Variants in NKIRAS1 observed in about 807,000 individuals in gnomAD.
NKIRAS1 encodes the protein NF-kappa-B inhibitor-interacting Ras-like protein 1.
NKIRAS1 carries 16 observed loss-of-function variants against 19.8 expected under a neutral mutation model. The observed-to-expected ratio is 0.81, with a 90% CI of 0.55 to 1.23. The LOEUF is 1.23. Among genes scored for constraint, NKIRAS1 ranks in the 50% most tolerant of loss-of-function variants. The pLI is 0.00. For missense variants in NKIRAS1, 184 were observed against 220.0 expected, an observed-to-expected ratio of 0.84 and a Z score of 1.04; for synonymous variants, 88 against 79.0, an observed-to-expected ratio of 1.11 and a Z score of -0.61.
chr3:23,892,559 T>TA lies in NKIRAS1; in HGVS notation c.*535dup, dbSNP rs1224465937. ...TTGAGCAAAGCTAAATCATGGGTCT[T>TA]AGTCTGTTTAGCAAAATCTCCACAA... On this transcript the variant is annotated 3_prime_UTR_variant, in exon 5 of 5. Transcript: ENST00000425478. 1 of 152,214 alleles carries TA rather than the reference T, an allele frequency of 6.6e-6. No homozygotes were observed. The highest frequency in any genetic ancestry group is 2.4e-5 in the African/African-American group (1 of 41,448). The allele number at this position is 152,214 out of a possible 1,614,324, so 9.4% of individuals were successfully genotyped here.
upstream of NKIRAS1, chr3:23,921,565 A>C (rs745544560): frequency 2.7e-5 from 16 of 595,254 alleles, no homozygotes; most frequent in East Asian, 5.1e-4. Flanking sequence ...AACATTGATT[A>C]TTGAGTTTTT....
At chr3:23,919,015 T>A (rs1255224211), upstream of NKIRAS1, 1 of 607,632 alleles carries the variant, frequency 1.6e-6, no homozygotes, top group Non-Finnish European at 2.9e-6. Flanking sequence ...GTGTGTTGTT[T>A]TAGCAAGTCT....
In NKIRAS1 at chr3:23,922,326, G is replaced by C. The variant is rs1705117430; in HGVS notation, c.-139-10876C>G. The C allele has an allele frequency of 6.6e-6, 1 of 152,224 alleles. No individual in the cohort carries two copies. Among genetic ancestry groups the C allele is most frequent in the African/African-American group, 2.4e-5 (1 of 41,460 alleles). 9.4% of individuals were successfully genotyped at this position (152,224 alleles called of 1,614,324 possible). A position where few individuals can be genotyped will look rare whatever the true frequency, so the allele number is the denominator to read the frequency against. ...TTTTTTGCCAATGAGGAAACACAAA[G>C]ATGAAGCAACTTGCTCAAAGTCATA... is the stretch of plus-strand genomic sequence containing the variant. On this transcript the variant is annotated intron_variant, in intron 1 of 4. Transcript: ENST00000421515. The surrounding 1 kb of genome is among the most constrained non-coding windows in gnomAD (Gnocchi z 4.2).
intron 1 of NKIRAS1, among the ~76,000 whole-genome samples, chr3:23,941,288 T>A (rs550029552): frequency 6.6e-6 from 1 of 152,236 alleles, no homozygotes; most frequent in Non-Finnish European, 1.5e-5. Flanking sequence ...ACTTGGCCTA[T>A]CTTACTTGAG....
upstream of NKIRAS1, chr3:23,917,820 T>G (rs374895871): frequency 7.0e-6 from 11 of 1,576,312 alleles, no homozygotes; most frequent in Non-Finnish European, 9.5e-6. Flanking sequence ...TTAAAGCGGA[T>G]GATATTTAAT....
chr3:23,945,519 G>C, intron 1 of NKIRAS1: 2 of 1,082,122 alleles, frequency 1.8e-6, no homozygotes, highest in Non-Finnish European at 2.3e-6. Context: ...TGAGGCGGCG[G>C]CGGCGGCGCT....
chr3:23,895,204 G>T (rs1652347485), intron 4 of NKIRAS1, among the ~76,000 whole-genome samples: 1 of 152,056 alleles, frequency 6.6e-6, no homozygotes, highest in South Asian at 2.1e-4. Context: ...TAGAGATGGG[G>T]TCTTACTTTA....
intron 1 of NKIRAS1, among the ~76,000 whole-genome samples, chr3:23,940,113 T>G (rs1705465143): frequency 6.8e-6 from 1 of 146,870 alleles, no homozygotes; most frequent in Non-Finnish European, 1.5e-5. Flanking sequence ...GGAGGACTGC[T>G]TGAGGCCATG....
chr3:23,918,088 A>G, upstream of NKIRAS1: 1 of 1,565,570 alleles, frequency 6.4e-7, no homozygotes, highest in Middle Eastern at 1.8e-4. Flanking sequence ...AAAGTTGGAA[A>G]CCAGCTGTTA....
At chr3:23,935,472 G>A (rs534419728) in intron 1 of NKIRAS1, among the ~76,000 whole-genome samples, 107 of 152,110 alleles carry the variant, frequency 7.0e-4, no homozygotes, top group African/African-American at 1.4e-3. Flanking sequence ...CTGGAGTGCA[G>A]TGGCATGATC....
At chr3:23,918,676 G>C (rs35566344), upstream of NKIRAS1, 8 of 1,377,414 alleles carry the variant, frequency 5.8e-6, no homozygotes, top group African/African-American at 1.4e-5. Flanking sequence ...GAGCTGTCTC[G>C]TATATAAAAC....
chr3:23,892,456 T>C lies in NKIRAS1; in HGVS notation c.*639A>G, dbSNP rs1423192610. ...TCTGGTCTATCAACAGGGGTCTGGC[T>C]AAGGAAAAAACGGCCTTAGAGCGTG... On this transcript the variant is annotated 3_prime_UTR_variant, in exon 5 of 5. Coordinates refer to ENST00000425478, the MANE Select transcript of NKIRAS1 (RefSeq NM_020345.4). The C allele has an allele frequency of 1.3e-5, 2 of 152,166 alleles. No individual in the cohort carries two copies. The highest frequency in any genetic ancestry group is 6.5e-5 in the Admixed American group (1 of 15,276). 9.4% of individuals were successfully genotyped at this position (152,166 alleles called of 1,614,324 possible). A position where few individuals can be genotyped will look rare whatever the true frequency, so the allele number is the denominator to read the frequency against.
chr3:23,931,159 T>C (rs1419474679), intron 1 of NKIRAS1, among the ~76,000 whole-genome samples: 2 of 152,198 alleles, frequency 1.3e-5, no homozygotes, highest in South Asian at 2.1e-4. Context: ...CCGTAAACAG[T>C]GTTTCCATCA....
At chr3:23,913,187 T>C (rs1487272867) in intron 1 of NKIRAS1, among the ~76,000 whole-genome samples, 5 of 152,178 alleles carry the variant, frequency 3.3e-5, no homozygotes, top group African/African-American at 1.2e-4. Context: ...TTTTGTATTG[T>C]ATGTATATAT....
At chr3:23,915,895 A>G (rs1704326161) in intron 1 of NKIRAS1, 1 of 151,876 alleles carries the variant, frequency 6.6e-6, no homozygotes, top group African/African-American at 2.4e-5. Context: ...CTCCCTCATC[A>G]CTTCCCTCCC....
At chr3:23,943,093 A>C (rs1705537974) in intron 1 of NKIRAS1, among the ~76,000 whole-genome samples, 1 of 152,032 alleles carries the variant, frequency 6.6e-6, no homozygotes, top group Non-Finnish European at 1.5e-5. Flanking sequence ...AGTTTTGACA[A>C]ATGTGTAAAA....
chr3:23,920,177 T>A (rs1704993880), upstream of NKIRAS1: 1 of 985,810 alleles, frequency 1.0e-6, no homozygotes. Context: ...ATTAGATAAA[T>A]ACCTTTCAAG....
At chr3:23,897,097 A>C (rs1702068178) in intron 4 of NKIRAS1, among the ~76,000 whole-genome samples, 1 of 152,156 alleles carries the variant, frequency 6.6e-6, no homozygotes, top group Non-Finnish European at 1.5e-5. Flanking sequence ...CTGTAGTCCC[A>C]GCTACTCAGG....
intron 4 of NKIRAS1, among the ~76,000 whole-genome samples, chr3:23,894,934 C>A (rs1266385223): frequency 6.6e-6 from 1 of 152,232 alleles, no homozygotes; most frequent in East Asian, 1.9e-4. Context: ...TCACTGGCCA[C>A]GTAGATGCTG....
Sources: allele counts gnomAD v4.1 joint callset (sites outside exome capture counted in the v4.1 genomes callset), GRCh38; gene constraint gnomAD v4.1.1; non-coding constraint Gnocchi (gnomAD v3.1); transcripts MANE v1.5; gene names NCBI Gene and HGNC (gene_info 2026-07-23, HGNC 2026-07-21).